Variants in SERPINB9 observed in about 807,000 individuals in gnomAD.
SERPINB9 encodes serpin family B member 9.
Under a neutral mutation model 27.2 loss-of-function variants are expected in SERPINB9, and 20 were observed. That is an observed-to-expected ratio of 0.74 (90% confidence interval 0.52 to 1.07). The LOEUF (loss-of-function observed/expected upper bound fraction) is 1.07. Ranked by LOEUF, SERPINB9 falls within the 50% of genes least tolerant of loss-of-function variation. The pLI is 0.00. For missense variants in SERPINB9, 476 were observed against 460.1 expected, an observed-to-expected ratio of 1.03 and a Z score of -0.32; for synonymous variants, 189 against 180.0, an observed-to-expected ratio of 1.05 and a Z score of -0.40.
chr6:2,889,970 C>T lies in SERPINB9; in HGVS notation c.*193G>A. On this transcript the variant is annotated 3_prime_UTR_variant, in exon 7 of 7. Transcript: ENST00000380698. ...AGGGAATCATTATGGTCTATTTTCT[C>T]AAGATTCTGATTAAGTAGCATAAGC... 2.0e-6 allele frequency: 1 copy of T among 496,260 alleles called. No homozygotes were observed. Among genetic ancestry groups the T allele is most frequent in the Non-Finnish European group, 3.5e-6 (1 of 284,024 alleles). 30.7% of individuals were successfully genotyped at this position (496,260 alleles called of 1,614,324 possible). A position where few individuals can be genotyped will look rare whatever the true frequency, so the allele number is the denominator to read the frequency against.
In SERPINB9 at chr6:2,896,122, C is replaced by T. The variant is rs747803002; in HGVS notation, c.237G>A (p.Lys79=). Residue 79 remains lysine (K), a synonymous_variant, in exon 3 of 7, where the codon AAG becomes AAA. Transcript: ENST00000380698. ...AFQSLLTEVN[K]AGTQYLLRTA... is the part of the protein sequence containing the mutation. ...TTCTCAGCAGGTACTGTGTGCCAGCCTTGTTCACTTCAGTGAGAAGCGACT... is the reference window on the plus strand; with the variant it reads ...TTCTCAGCAGGTACTGTGTGCCAGCTTTGTTCACTTCAGTGAGAAGCGACT... The T allele has an allele frequency of 3.1e-6, 5 of 1,613,984 alleles. No homozygotes were observed. In the South Asian group the frequency reaches 5.5e-5, roughly 18 times the overall value.
rs1195364874 is a variant in SERPINB9 at position 2,894,623 on chromosome 6, G to T, written c.424+768C>A. On this transcript the variant is annotated intron_variant, in intron 4 of 6. Transcript: ENST00000380698. The surrounding 1 kb of genome is among the most constrained non-coding windows in gnomAD (Gnocchi z 4.7). The stretch of plus-strand genomic sequence containing the variant: ...GAGGCAGCCCAAGTGTATACCTCAG[G>T]CAAGATCTGTCCACCAATCTCCTTC... 4.6e-5 allele frequency among the ~76,000 whole-genome samples: 7 copies of T among 152,160 alleles called. No individual in the cohort carries two copies. Among genetic ancestry groups the T allele is most frequent in the Admixed American group, 3.9e-4 (6 of 15,280 alleles).
In SERPINB9 at chr6:2,893,619, T is replaced by C. The variant is rs573261460; in HGVS notation, c.425-66A>G. ...AAGAACCTGATGCATTGGATGATCC[T>C]GGATCATTAGTTGAGAAGCAAACTT... On this transcript the variant is annotated intron_variant, in intron 4 of 6. Transcript: ENST00000380698. 8.5e-5 allele frequency: 118 copies of C among 1,391,226 alleles called. 1 individual carries two copies. The Admixed American group carries it at 1.1e-3, about 13-fold the overall frequency. The allele number at this position is 1,391,226 out of a possible 1,614,324, so 86.2% of individuals were successfully genotyped here. A position where few individuals can be genotyped will look rare whatever the true frequency, so the allele number is the denominator to read the frequency against.
chr6:2,895,632 T>A, intron 3 of SERPINB9, 124 bp from the exon 4 acceptor site: 1 of 675,338 alleles, frequency 1.5e-6, no homozygotes, highest in Non-Finnish European at 2.6e-6. Context: ...TTAAAAGTGA[T>A]CATATGAAGA....
chr6:2,900,478 C>T lies in SERPINB9; in HGVS notation c.134G>A (p.Gly45Glu). ...CTGGGTTGCGGTGTTTCCCTTTGCC[C>T]CTAGGAGAACCATGGCCAGGGCAGA... ...ISSALAMVLL[G>E]AKGNTATQMA... The change falls in exon 2 of 7, where the codon GGG (glycine) becomes GAG (glutamate). Residue 45 changes from glycine to glutamate, a missense_variant. Physicochemically the swap from Gly to Glu is moderately conservative, Grantham distance 98 (BLOSUM62 -2). Coordinates refer to ENST00000380698, the MANE Select transcript of SERPINB9 (RefSeq NM_004155.6). 1.9e-6 allele frequency: 3 copies of T among 1,614,036 alleles called. No homozygotes were observed. The highest frequency in any genetic ancestry group is 2.5e-6 in the Non-Finnish European group (3 of 1,180,010).
rs376815951 is a variant in SERPINB9, at chr6:2,890,523, T to C, written c.771A>G (p.Pro257=). 1 of 1,613,918 alleles carries C rather than the reference T, an allele frequency of 6.2e-7. No homozygotes were observed. Among genetic ancestry groups the C allele is most frequent in the African/African-American group, 1.3e-5 (1 of 74,940 alleles). The change falls in exon 7 of 7, where the codon CCA becomes CCG. Residue 257 remains proline, a synonymous_variant. Transcript: ENST00000380698. This position sits in a 1 kb window ranked among gnomAD's most constrained non-coding sequence, Gnocchi z 6.2. ...CAACCTCAGTACTCTTCATACAGTC[T>C]GGCTTGGTCCAGGCTGTGAGTTTCT... ...TFEKLTAWTK[P]DCMKSTEVEV...
Position 2,900,885 on chromosome 6 carries a change from T to TCTCTCTCACACACACACACACACA in SERPINB9, c.-10-265_-10-264insTGTGTGTGTGTGTGTGTGAGAGAG, listed in dbSNP as rs61100591. Among the ~76,000 whole-genome samples, 363 of 141,550 alleles carry TCTCTCTCACACACACACACACACA rather than the reference T, an allele frequency of 2.6e-3. 1 individual carries two copies. The highest frequency in any genetic ancestry group is 3.6e-3 in the South Asian group (16 of 4,416). 92.9% of individuals were successfully genotyped at this position (141,550 alleles called of 152,430 possible). ...TGGCTCGCCTGCAGAGCTCGCTCTC[T>TCTCTCTCACACACACACACACACA]CACACACACACACACACACACACAC... On this transcript the variant is annotated intron_variant, in intron 1 of 6. Transcript: ENST00000380698.
At position 2,887,567 on chromosome 6, in the gene SERPINB9, C is replaced by CTGGG. The variant is rs1366740427; in HGVS notation, c.*2592_*2595dup. On this transcript the variant is annotated 3_prime_UTR_variant, in exon 7 of 7. Coordinates refer to ENST00000380698, the MANE Select transcript of SERPINB9 (RefSeq NM_004155.6). ...TTACATAAAAGATACTGAACTAGGGCTGGGCTCAGTGGCTTATGCCTGTAA... is the reference window on the plus strand; with the variant it reads ...TTACATAAAAGATACTGAACTAGGGCTGGGTGGGCTCAGTGGCTTATGCCTGTAA... 6.6e-5 allele frequency: 10 copies of CTGGG among 152,112 alleles called. No homozygotes were observed. Among genetic ancestry groups the CTGGG allele is most frequent in the Admixed American group, 6.5e-4 (10 of 15,272 alleles). The allele number at this position is 152,112 out of a possible 1,614,324, so 9.4% of individuals were successfully genotyped here.
At chr6:2,893,214 TATATATA>T (rs1767880859) in intron 5 of SERPINB9, among the ~76,000 whole-genome samples, 190 bp downstream of exon 5, 1 of 139,334 alleles carries the variant, frequency 7.2e-6, no homozygotes, top group Non-Finnish European at 1.6e-5. Context: ...TATATATACG[TATATATA>T]ATATATATAT....
rs1767923248 is a variant in SERPINB9, at chr6:2,894,378, C to T, written c.425-825G>A. Among the ~76,000 whole-genome samples the T allele has an allele frequency of 6.6e-6, 1 of 152,168 alleles. No individual in the cohort carries two copies. On this transcript the variant is annotated intron_variant, in intron 4 of 6. Transcript: ENST00000380698. This position sits in a 1 kb window ranked among gnomAD's most constrained non-coding sequence, Gnocchi z 4.7. ...TTGGTCTTGGAGGCCTAGACTGGAA[C>T]ACGTCACTTTCTGAAATGTAGATGA...
intron 2 of SERPINB9, among the ~76,000 whole-genome samples, chr6:2,899,480 C>T (rs775611032): frequency 1.3e-5 from 2 of 152,090 alleles, no homozygotes; most frequent in African/African-American, 2.4e-5. Context: ...ATCTTTTTGC[C>T]AAAAATAATT....
At chr6:2,895,826 C>T (rs181160972) in intron 3 of SERPINB9, among the ~76,000 whole-genome samples, 4 of 151,860 alleles carry the variant, frequency 2.6e-5, no homozygotes, top group East Asian at 1.9e-4. Flanking sequence ...TTAGGCTGGG[C>T]GTGGTGGCTC....
At chr6:2,899,994 C>T (rs1220089484) in intron 2 of SERPINB9, 12 of 449,972 alleles carry the variant, frequency 2.7e-5, no homozygotes, top group South Asian at 1.9e-4. Context: ...GCCCTGGAAT[C>T]CTTCTTGCAA....
At chr6:2,896,369 G>T (rs543630603) in intron 2 of SERPINB9, among the ~76,000 whole-genome samples, 179 bp from the exon 3 acceptor site, 1 of 152,196 alleles carries the variant, frequency 6.6e-6, no homozygotes, top group Admixed American at 6.5e-5. Flanking sequence ...GCTCAGAAAA[G>T]AGGTTGTGAT....
At chr6:2,902,258 T>C (rs1356328455) in intron 1 of SERPINB9, among the ~76,000 whole-genome samples, 1 of 152,190 alleles carries the variant, frequency 6.6e-6, no homozygotes, top group Non-Finnish European at 1.5e-5. Context: ...ATTCCCACCC[T>C]GGAGGAGGTT....
At position 2,888,670 on chromosome 6, in the gene SERPINB9, G is replaced by C. The variant is rs1318466139; in HGVS notation, c.*1493C>G. The C allele has an allele frequency of 2.6e-5, 4 of 152,214 alleles. No individual in the cohort carries two copies. The highest frequency in any genetic ancestry group is 5.9e-5 in the Non-Finnish European group (4 of 68,044). 9.4% of individuals were successfully genotyped at this position (152,214 alleles called of 1,614,324 possible). On this transcript the variant is annotated 3_prime_UTR_variant, in exon 7 of 7. Coordinates refer to ENST00000380698, the MANE Select transcript of SERPINB9 (RefSeq NM_004155.6). ...GCAGATTGGTGGTTGCTGGGGGCTG[G>C]AGGAAGGAAGGAATGGAGAGTATCT...
rs187324198 is a variant in SERPINB9 at position 2,902,446 on chromosome 6, A to T, written c.-11+755T>A. On this transcript the variant is annotated intron_variant, in intron 1 of 6. Transcript: ENST00000380698. ...ATTATTGAAAGAATTAAGATGGATA[A>T]GAGTGCTCAGATTTGAAACTCCGAG... is the stretch of plus-strand genomic sequence containing the variant. Among the ~76,000 whole-genome samples, 339 of 152,346 alleles carry T rather than the reference A, an allele frequency of 2.2e-3. 1 individual carries two copies. Among genetic ancestry groups the T allele is most frequent in the Non-Finnish European group, 2.7e-3 (187 of 68,036 alleles).
intron 4 of SERPINB9, among the ~76,000 whole-genome samples, chr6:2,895,066 C>T (rs1446253844): frequency 1.3e-5 from 2 of 152,124 alleles, no homozygotes; most frequent in Non-Finnish European, 2.9e-5. Flanking sequence ...CCTCTTTTGA[C>T]ATTTGTATCA....
chr6:2,897,094 C>CCA (rs1476828872), intron 2 of SERPINB9, among the ~76,000 whole-genome samples: 1 of 150,164 alleles, frequency 6.7e-6, no homozygotes. Context: ...CTGCTGCACT[C>CCA]CAGCCTAGGA....
Sources: gnomAD v4.1 joint callset for allele counts (sites outside exome capture counted in the v4.1 genomes callset) on GRCh38, gnomAD v4.1.1 for gene constraint, Gnocchi (gnomAD v3.1) non-coding constraint, MANE v1.5 for transcripts, NCBI Gene and HGNC (gene_info 2026-07-23, HGNC 2026-07-21) for gene names.